GJC3: variants seen among roughly 807,000 people sequenced by gnomAD.
GJC3 encodes gap junction protein gamma 3.
In GJC3, 17 loss-of-function variants were observed where a neutral mutation model predicts 19.8. That is an observed-to-expected ratio of 0.86 (90% CI 0.59 to 1.29). The LOEUF is 1.29. Among genes scored for constraint, GJC3 ranks in the 50% most tolerant of loss-of-function variants. GJC3 has a pLI of 0.00. For missense variants in GJC3, 317 were observed against 332.5 expected (o/e 0.95, Z 0.36); for synonymous variants, 140 against 136.5 (o/e 1.03, Z -0.18).
At chr7:99,926,325 C>T (rs1424072131) in intron 1 of GJC3, among the ~76,000 whole-genome samples, 6 of 147,774 alleles carry the variant, frequency 4.1e-5, no homozygotes, top group African/African-American at 1.3e-4. Flanking sequence ...CAGAGTGAGA[C>T]TCCATCCCAA....
chr7:99,928,927 A>C lies in GJC3; in HGVS notation c.694T>G (p.Phe232Val). The C allele has an allele frequency of 2.5e-6, 4 of 1,614,156 alleles. No individual in the cohort carries two copies. The highest frequency in any genetic ancestry group is 3.4e-6 in the Non-Finnish European group (4 of 1,180,020). ...WKHKSSSSKY[F>V]LTSESTRRHK... Reference sequence around the variant, plus strand: ...CTTCTGGTGCTCTCTGAAGTTAGGAAGTATTTAGAAGAGGAAGATTTGTGC... The same window carrying C: ...CTTCTGGTGCTCTCTGAAGTTAGGACGTATTTAGAAGAGGAAGATTTGTGC... The change falls in exon 1 of 2, where the codon TTC (phenylalanine) becomes GTC (valine). Residue 232 changes from phenylalanine (F) to valine (V), a missense_variant. Coordinates refer to ENST00000312891, the MANE Select transcript of GJC3 (RefSeq NM_181538.3).
rs1228485629 is a variant in GJC3, at chr7:99,929,372, C to G, written c.249G>C (p.Leu83Phe). 31 of 1,614,114 alleles carry G rather than the reference C, an allele frequency of 1.9e-5. No individual in the cohort carries two copies. Among genetic ancestry groups the G allele is most frequent in the Non-Finnish European group, 2.6e-5 (31 of 1,180,048 alleles). ...TATAGAGGGCGCTGGGTACAGCCACCAAGATGACCTGGAAGACCCAGAAAC... is the reference window on the plus strand; with the variant it reads ...TATAGAGGGCGCTGGGTACAGCCACGAAGATGACCTGGAAGACCCAGAAAC... ...PLRFWVFQVILVAVPSALYMG... is the reference protein window; with the variant it reads ...PLRFWVFQVIFVAVPSALYMG... The change falls in exon 1 of 2, where the codon TTG becomes TTC. Residue 83 changes from leucine to phenylalanine, a missense_variant. Coordinates refer to ENST00000312891, the MANE Select transcript of GJC3 (RefSeq NM_181538.3).
upstream of GJC3, chr7:99,929,629 G>C: frequency 6.3e-7 from 1 of 1,597,004 alleles, no homozygotes; most frequent in Non-Finnish European, 8.5e-7. Flanking sequence ...ATCCTGTTTT[G>C]GAGCAGAGGA....
chr7:99,925,650 C>T (rs1220594699), intron 1 of GJC3, among the ~76,000 whole-genome samples: 1 of 152,088 alleles, frequency 6.6e-6, no homozygotes, highest in Non-Finnish European at 1.5e-5. Flanking sequence ...GTATCTAATA[C>T]CCACAATATA....
upstream of GJC3, chr7:99,929,684 C>A (rs1269307524): frequency 1.4e-6 from 2 of 1,477,134 alleles, no homozygotes; most frequent in African/African-American, 1.4e-5. Context: ...GAGCTCCAGT[C>A]CACCTTGTCA....
At position 99,928,989 on chromosome 7, in the gene GJC3, A is replaced by G. The variant is rs1300788739; in HGVS notation, c.632T>C (p.Val211Ala). Reference sequence around the variant, plus strand: ...CCACCATCTCCCCAAACCCAGAAGCACAAGCTCCAAAAAAGTAAACAAGAG... The same window carrying G: ...CCACCATCTCCCCAAACCCAGAAGCGCAAGCTCCAAAAAAGTAAACAAGAG... ...FCLLFTFLELVLLGLGRWWRT... is the reference protein window; with the variant it reads ...FCLLFTFLELALLGLGRWWRT... The change falls in exon 1 of 2, where the codon GTG becomes GCG. Residue 211 changes from valine (V) to alanine (A), a missense_variant. By Grantham distance (64) the Val-to-Ala change is moderately conservative. Transcript: ENST00000312891. 12 of 1,614,098 alleles carry G rather than the reference A, an allele frequency of 7.4e-6. No individual in the cohort carries two copies. Among genetic ancestry groups the G allele is most frequent in the Non-Finnish European group, 1.0e-5 (12 of 1,180,046 alleles).
chr7:99,926,723 A>G (rs574263407), intron 1 of GJC3, among the ~76,000 whole-genome samples: 3 of 152,168 alleles, frequency 2.0e-5, no homozygotes, highest in South Asian at 2.1e-4. Flanking sequence ...GTTGATGAAA[A>G]TGTTATTAAA....
Position 99,928,896 on chromosome 7 carries a change from T to C in GJC3, c.725A>G (p.Lys242Arg), listed in dbSNP as rs1819848740. Residue 242 changes from lysine (K) to arginine (R), a missense_variant, in exon 1 of 2, where the codon AAG (lysine) becomes AGG (arginine). Transcript: ENST00000312891. ...CACTGGGAGGCTATCGGTTGCTTTCTTGTGTCTTCTGGTGCTCTCTGAAGT... is the reference window on the plus strand; with the variant it reads ...CACTGGGAGGCTATCGGTTGCTTTCCTGTGTCTTCTGGTGCTCTCTGAAGT... Reference protein sequence around the residue: ...FLTSESTRRHKKATDSLPVVE... With the variant: ...FLTSESTRRHRKATDSLPVVE... 1 of 1,614,216 alleles carries C rather than the reference T, an allele frequency of 6.2e-7. No individual in the cohort carries two copies. Among genetic ancestry groups the C allele is most frequent in the Non-Finnish European group, 8.5e-7 (1 of 1,180,038 alleles).
chr7:99,926,301 T>G (rs969378593), intron 1 of GJC3, among the ~76,000 whole-genome samples: 1 of 145,584 alleles, frequency 6.9e-6, no homozygotes, highest in Non-Finnish European at 1.5e-5. Context: ...ACCACTGCAC[T>G]CCAGTCTGGG....
At position 99,929,063 on chromosome 7, in the gene GJC3, A is replaced by G; in HGVS notation, c.558T>C (p.Ser186=). 6.2e-7 allele frequency: 1 copy of G among 1,614,172 alleles called. No individual in the cohort carries two copies. Among genetic ancestry groups the G allele is most frequent in the Non-Finnish European group, 8.5e-7 (1 of 1,180,022 alleles). ...TGGTCTTTAGGAAAATGGTCTTCTCAGAGGGGCGGGACAGATTGCAGGTTA... is the reference window on the plus strand; with the variant it reads ...TGGTCTTTAGGAAAATGGTCTTCTCGGAGGGGCGGGACAGATTGCAGGTTA... The part of the protein sequence containing the change: ...GSITCNLSRP[S]EKTIFLKTMF... The change falls in exon 1 of 2, where the codon TCT becomes TCC. Residue 186 remains serine (S), a synonymous_variant. Transcript: ENST00000312891.
At position 99,929,268 on chromosome 7, in the gene GJC3, C is replaced by G; in HGVS notation, c.353G>C (p.Gly118Ala). The G allele has an allele frequency of 6.2e-7, 1 of 1,614,202 alleles. No individual in the cohort carries two copies. Among genetic ancestry groups the G allele is most frequent in the Non-Finnish European group, 8.5e-7 (1 of 1,180,034 alleles). Residue 118 changes from glycine to alanine, a missense_variant, in exon 1 of 2, where the codon GGA (glycine) becomes GCA (alanine). Physicochemically the swap from Gly to Ala is moderately conservative, Grantham distance 60. Transcript: ENST00000312891. Reference protein sequence around the residue: ...KGKEEETLIQGREGNTDVPGA... With the variant: ...KGKEEETLIQAREGNTDVPGA... ...TGGGACATCTGTGTTGCCCTCCCGT[C>G]CCTGGATCAGGGTCTCCTCCTCCTT...
intron 1 of GJC3, 27 bp downstream of exon 1, chr7:99,928,813 G>C (rs1473790136): frequency 6.2e-7 from 1 of 1,607,930 alleles, no homozygotes; most frequent in African/African-American, 1.3e-5. Flanking sequence ...AAACATCAGT[G>C]ACAGGAAGAG....
rs200946759 is a variant in GJC3, at chr7:99,929,221, G to T, written c.400C>A (p.Leu134Ile). 4.0e-5 allele frequency: 64 copies of T among 1,614,076 alleles called. No individual in the cohort carries two copies. Among genetic ancestry groups the T allele is most frequent in the Non-Finnish European group, 5.2e-5 (61 of 1,180,040 alleles). ...DVPGAGSLRL[L>I]WAYVAQLGAR... ...CCCAGCTGAGCCACATAAGCCCAGA[G>T]CAGCCTGAGGCTTCCAGCCCCTGGG... The change falls in exon 1 of 2, where the codon CTC becomes ATC. Residue 134 changes from leucine to isoleucine, a missense_variant. By Grantham distance (5) the Leu-to-Ile change is conservative. Coordinates refer to ENST00000312891, the MANE Select transcript of GJC3 (RefSeq NM_181538.3).
rs141280082 is a variant in GJC3 at position 99,926,117 on chromosome 7, T to C, written c.782-2514A>G. Among the ~76,000 whole-genome samples the C allele has an allele frequency of 3.0e-3, 456 of 152,314 alleles. 3 individuals carry two copies. The highest frequency in any genetic ancestry group is 0.01 in the African/African-American group (425 of 41,566). ...GGGAAGCTGAGGCAGGCAGATAACCTGAGGTCAGGAGTTTGAGACCAGCCT... is the reference window on the plus strand; with the variant it reads ...GGGAAGCTGAGGCAGGCAGATAACCCGAGGTCAGGAGTTTGAGACCAGCCT... On this transcript the variant is annotated intron_variant, in intron 1 of 1. Coordinates refer to ENST00000312891, the MANE Select transcript of GJC3 (RefSeq NM_181538.3).
At chr7:99,930,512 A>C (rs182278157), upstream of GJC3, among the ~76,000 whole-genome samples, 4 of 152,266 alleles carry the variant, frequency 2.6e-5, no homozygotes, top group Admixed American at 2.6e-4. Context: ...AAAATACCAC[A>C]ATGCTACAAG....
chr7:99,929,695 C>G, upstream of GJC3: 1 of 1,422,808 alleles, frequency 7.0e-7, no homozygotes, highest in Non-Finnish European at 9.6e-7. Flanking sequence ...CACCTTGTCA[C>G]TCCTAATCCA....
At position 99,928,901 on chromosome 7, in the gene GJC3, T is replaced by A. The variant is rs779162230; in HGVS notation, c.720A>T (p.Arg240Ser). The A allele has an allele frequency of 6.2e-7, 1 of 1,614,156 alleles. No homozygotes were observed. ...KYFLTSESTR[R>S]HKKATDSLPV... ...GGAGGCTATCGGTTGCTTTCTTGTG[T>A]CTTCTGGTGCTCTCTGAAGTTAGGA... The change falls in exon 1 of 2, where the codon AGA becomes AGT. Residue 240 changes from arginine (R) to serine (S), a missense_variant. By Grantham distance (110) the Arg-to-Ser change is moderately radical. Coordinates refer to ENST00000312891, the MANE Select transcript of GJC3 (RefSeq NM_181538.3).
chr7:99,926,495 C>T (rs1377043454), intron 1 of GJC3, among the ~76,000 whole-genome samples: 1 of 152,154 alleles, frequency 6.6e-6, no homozygotes, highest in Admixed American at 6.6e-5. Flanking sequence ...GAATAACACT[C>T]AACCATATAA....
In GJC3 at chr7:99,929,082, C is replaced by T. The variant is rs1358765355; in HGVS notation, c.539G>A (p.Cys180Tyr). 4 of 1,613,952 alleles carry T rather than the reference C, an allele frequency of 2.5e-6. No individual in the cohort carries two copies. The highest frequency in any genetic ancestry group is 1.6e-4 in the Middle Eastern group (1 of 6,062). Residue 180 changes from cysteine to tyrosine, a missense_variant, in exon 1 of 2, where the codon TGC becomes TAC. Physicochemically the swap from Cys to Tyr is radical, Grantham distance 194 (BLOSUM62 -2). Transcript: ENST00000312891. ...CTTCTCAGAGGGGCGGGACAGATTG[C>T]AGGTTATACTACCAAGGCAAGGTTC... is the stretch of plus-strand genomic sequence containing the variant. Reference protein sequence around the residue: ...RREPCLGSITCNLSRPSEKTI... With the variant: ...RREPCLGSITYNLSRPSEKTI...
Sources: gnomAD v4.1 joint callset for allele counts (sites outside exome capture counted in the v4.1 genomes callset) on GRCh38, gnomAD v4.1.1 for gene constraint, MANE v1.5 for transcripts, NCBI Gene and HGNC (gene_info 2026-07-23, HGNC 2026-07-21) for gene names.